The following RBFOX3 variants were observed in gnomAD, a reference collection of about 807,000 sequenced individuals.
The protein encoded by RBFOX3 is RNA binding protein fox-1 homolog 3.
In RBFOX3, 17 loss-of-function variants were observed where a neutral mutation model predicts 48.7. The observed-to-expected ratio is 0.35, with a 90% CI of 0.24 to 0.52. The LOEUF is 0.52. Among genes scored for constraint, RBFOX3 ranks in the 20% least tolerant of loss-of-function variants. The pLI is 0.94. For synonymous variants in RBFOX3, 212 were observed against 209.5 expected, an observed-to-expected ratio of 1.01 and a Z score of -0.10; for missense variants, 382 against 497.5, an observed-to-expected ratio of 0.77 and a Z score of 2.21.
chr17:79,098,767 AC>A (rs2075890493), intron 9 of RBFOX3: 2 of 152,318 alleles, frequency 1.3e-5, no homozygotes, highest in African/African-American at 4.8e-5. Flanking sequence ...TCCTCAGTGT[AC>A]CCAGGTCTTA....
At chr17:79,114,880 G>A (rs1022956128) in intron 5 of RBFOX3, among the ~76,000 whole-genome samples, 7 of 152,226 alleles carry the variant, frequency 4.6e-5, no homozygotes, top group African/African-American at 4.8e-5. Flanking sequence ...CAGGCCAGCC[G>A]CTTGGCCACT....
intron 3 of RBFOX3, among the ~76,000 whole-genome samples, chr17:79,303,765 C>T (rs1250317529): frequency 6.6e-6 from 1 of 152,104 alleles, no homozygotes; most frequent in African/African-American, 2.4e-5. Context: ...GAAGCTTCCA[C>T]ACACTAGGTG....
At chr17:79,207,042 T>G (rs985544499) in intron 4 of RBFOX3, among the ~76,000 whole-genome samples, 18 of 152,218 alleles carry the variant, frequency 1.2e-4, no homozygotes, top group Admixed American at 1.1e-3. Flanking sequence ...CAGACAAGAT[T>G]TGAAATCTGA....
intron 2 of RBFOX3, among the ~76,000 whole-genome samples, chr17:79,336,603 G>A (rs1025971023): frequency 5.3e-5 from 8 of 152,054 alleles, no homozygotes; most frequent in South Asian, 2.1e-4. Flanking sequence ...CCCTGGCCTC[G>A]TCCTCTCTCC....
intron 2 of RBFOX3, among the ~76,000 whole-genome samples, chr17:79,472,534 G>A (rs2149387499): frequency 6.6e-6 from 1 of 152,342 alleles, no homozygotes; most frequent in African/African-American, 2.4e-5. Context: ...GCGGCCATGT[G>A]AGGACATAAG....
rs1199224135 is a variant in RBFOX3 at position 79,198,520 on chromosome 17, G to A, written c.-34+37246C>T. Reference sequence around the variant, plus strand: ...CAGATGGGTACAGCTGGAGACTGAGGCTTGGAGAAGTTCACAGACTTTCCA... The same window carrying A: ...CAGATGGGTACAGCTGGAGACTGAGACTTGGAGAAGTTCACAGACTTTCCA... On this transcript the variant is annotated intron_variant, in intron 4 of 14. Coordinates refer to ENST00000693108, the MANE Select transcript of RBFOX3 (RefSeq NM_001350451.2). This position sits in a 1 kb window ranked among gnomAD's most constrained non-coding sequence, Gnocchi z 8.2. Among the ~76,000 whole-genome samples the A allele has an allele frequency of 6.6e-6, 1 of 152,218 alleles. No individual in the cohort carries two copies. The highest frequency in any genetic ancestry group is 1.5e-5 in the Non-Finnish European group (1 of 68,030).
chr17:79,176,583 C>T (rs374313092), intron 4 of RBFOX3, among the ~76,000 whole-genome samples: 4 of 152,348 alleles, frequency 2.6e-5, no homozygotes, highest in African/African-American at 4.8e-5. Flanking sequence ...CTTCTGGTCT[C>T]GAGTAATGCG....
chr17:79,347,557 G>A (rs903098788), intron 2 of RBFOX3, among the ~76,000 whole-genome samples: 1 of 151,546 alleles, frequency 6.6e-6, no homozygotes, highest in Non-Finnish European at 1.5e-5. Context: ...TTTTCTTTGT[G>A]CTTTTCCTTA....
intron 2 of RBFOX3, among the ~76,000 whole-genome samples, chr17:79,326,216 C>T (rs1158697366): frequency 1.3e-5 from 2 of 152,208 alleles, no homozygotes; most frequent in Non-Finnish European, 2.9e-5. Context: ...CCTGCCAAAG[C>T]AGGCTTCCCA....
At chr17:79,542,036 G>A (rs1229063046) in intron 1 of RBFOX3, among the ~76,000 whole-genome samples, 4 of 140,946 alleles carry the variant, frequency 2.8e-5, no homozygotes, top group Non-Finnish European at 3.0e-5. Context: ...TGAGAGCGTC[G>A]ACCTTTTTTT....
chr17:79,455,222 A>G lies in RBFOX3; in HGVS notation c.-175+27232T>C, dbSNP rs371168186. Among the ~76,000 whole-genome samples the G allele has an allele frequency of 8.5e-5, 13 of 152,346 alleles. No individual in the cohort carries two copies. In the East Asian group the frequency reaches 2.5e-3, roughly 29 times the overall value. The stretch of plus-strand genomic sequence containing the variant: ...AAGCTGGATGTGCTACTCCCAGGTC[A>G]GCAGCCACAAAAGGATCCAAAGACG... On this transcript the variant is annotated intron_variant, in intron 2 of 14. Transcript: ENST00000693108.
the RBFOX3 span, among the ~76,000 whole-genome samples, chr17:79,663,935 C>T: frequency 5.3e-5 from 8 of 152,144 alleles, no homozygotes; most frequent in East Asian, 1.2e-3. Context: ...AGAACTGAGG[C>T]GTGAAACTTG....
chr17:79,137,886 C>T (rs1230359767), intron 4 of RBFOX3, among the ~76,000 whole-genome samples: 1 of 152,202 alleles, frequency 6.6e-6, no homozygotes, highest in East Asian at 1.9e-4. Context: ...AGCCGCGGCC[C>T]GTTCCTGCCG....
chr17:79,355,402 A>G (rs1487642586), intron 2 of RBFOX3, among the ~76,000 whole-genome samples: 2 of 151,848 alleles, frequency 1.3e-5, no homozygotes, highest in African/African-American at 4.8e-5. Context: ...TGCGTGGGAT[A>G]CCCGCCCCCG....
the RBFOX3 span, among the ~76,000 whole-genome samples, chr17:79,647,269 T>C: frequency 6.6e-6 from 1 of 152,088 alleles, no homozygotes; most frequent in African/African-American, 2.4e-5. Context: ...GACACATCCA[T>C]GGGAATGGCT....
intron 2 of RBFOX3, among the ~76,000 whole-genome samples, chr17:79,397,443 AG>A (rs34819718): frequency 0.14 from 21,344 of 151,066 alleles, 1,460 homozygotes; most frequent in Middle Eastern, 0.2. Context: ...CAGTGAGCCA[AG>A]ATAATGCCAC....
At chr17:79,380,855 G>A (rs185296999) in intron 2 of RBFOX3, among the ~76,000 whole-genome samples, 113 of 151,702 alleles carry the variant, frequency 7.4e-4, no homozygotes, top group African/African-American at 2.7e-3. Context: ...TTTGGACGTC[G>A]CTCCACGAGG....
chr17:79,165,807 G>A (rs1304501371), intron 4 of RBFOX3, among the ~76,000 whole-genome samples: 3 of 152,194 alleles, frequency 2.0e-5, no homozygotes, highest in East Asian at 3.9e-4. Context: ...TGGTTTGGGG[G>A]TCCCGTGCCT....
intron 2 of RBFOX3, among the ~76,000 whole-genome samples, chr17:79,342,397 AGT>A (rs2082246183): frequency 1.3e-5 from 2 of 151,816 alleles, no homozygotes; most frequent in South Asian, 2.1e-4. Flanking sequence ...TCAGAGTCGA[AGT>A]CTCTCTCTCT....
Sources: allele counts gnomAD v4.1 joint callset (sites outside exome capture counted in the v4.1 genomes callset), GRCh38; gene constraint gnomAD v4.1.1; non-coding constraint Gnocchi (gnomAD v3.1); transcripts MANE v1.5; gene names NCBI Gene and HGNC (gene_info 2026-07-23, HGNC 2026-07-21).